The following ABTB3 variants were observed in gnomAD, a reference collection of about 807,000 sequenced individuals.
The protein encoded by ABTB3 is ankyrin repeat- and BTB/POZ domain-containing protein 3.
chr12:107,657,219 A>G, the ABTB3 span, among the ~76,000 whole-genome samples: 2 of 152,236 alleles, frequency 1.3e-5, no homozygotes, highest in Non-Finnish European at 1.5e-5. Context: ...TAAATGGCAC[A>G]GCAGAGCACG....
At chr12:107,536,539 A>G in the ABTB3 span, among the ~76,000 whole-genome samples, 5 of 150,334 alleles carry the variant, frequency 3.3e-5, no homozygotes, top group Non-Finnish European at 7.4e-5. Context: ...AACCTCAAAG[A>G]GAAAAAAAAA....
chr12:107,319,536 T>C, the ABTB3 span: 1 of 1,557,042 alleles, frequency 6.4e-7, no homozygotes, highest in South Asian at 1.2e-5. Context: ...GGCGACCGCC[T>C]GGGCCGCGGC....
At chr12:107,320,921 C>T in the ABTB3 span, among the ~76,000 whole-genome samples, 2 of 152,112 alleles carry the variant, frequency 1.3e-5, no homozygotes, top group East Asian at 1.9e-4. Flanking sequence ...GTTCTATCAT[C>T]GTCTCTTCAT....
the ABTB3 span, among the ~76,000 whole-genome samples, chr12:107,330,194 T>A: frequency 6.6e-6 from 1 of 152,124 alleles, no homozygotes; most frequent in Admixed American, 6.5e-5. Context: ...GGGAGCCTGG[T>A]AGAGGTTAGA....
chr12:107,553,484 A>G, the ABTB3 span, among the ~76,000 whole-genome samples: 2 of 152,330 alleles, frequency 1.3e-5, no homozygotes, highest in East Asian at 1.9e-4. Context: ...GAAGGGAGCT[A>G]CATGCTAAGG....
At chr12:107,657,359 C>T in the ABTB3 span, 1 of 695,900 alleles carries the variant, frequency 1.4e-6, no homozygotes. Flanking sequence ...GCCGCAAAGT[C>T]ATACCCCATG....
the ABTB3 span, among the ~76,000 whole-genome samples, chr12:107,351,019 T>C: frequency 6.6e-6 from 1 of 151,944 alleles, no homozygotes; most frequent in Non-Finnish European, 1.5e-5. Flanking sequence ...AGGTCTTTGC[T>C]AGTAAGATTG....
At chr12:107,642,983 C>A in the ABTB3 span, among the ~76,000 whole-genome samples, 1 of 152,320 alleles carries the variant, frequency 6.6e-6, no homozygotes, top group African/African-American at 2.4e-5. Context: ...TCACTCAACT[C>A]CCCAGCCGGC....
chr12:107,541,270 C>T, the ABTB3 span, among the ~76,000 whole-genome samples: 1 of 152,182 alleles, frequency 6.6e-6, no homozygotes, highest in African/African-American at 2.4e-5. Context: ...GTAAATGTGT[C>T]ACGTTGAAAG....
chr12:107,649,103 G>C, the ABTB3 span: 1 of 990,110 alleles, frequency 1.0e-6, no homozygotes, highest in Non-Finnish European at 1.6e-6. Context: ...TGGAATGGAT[G>C]TCCTAGAGGT....
At chr12:107,628,882 C>A in the ABTB3 span, among the ~76,000 whole-genome samples, 2 of 152,168 alleles carry the variant, frequency 1.3e-5, no homozygotes, top group Non-Finnish European at 2.9e-5. Flanking sequence ...GAGTGAAGGG[C>A]CAGAACTAGG....
chr12:107,446,032 A>C, the ABTB3 span, among the ~76,000 whole-genome samples: 10 of 151,814 alleles, frequency 6.6e-5, no homozygotes, highest in Non-Finnish European at 2.9e-5. Flanking sequence ...ACCTAATCAC[A>C]TCTGCAACCC....
At chr12:107,643,167 G>A in the ABTB3 span, among the ~76,000 whole-genome samples, 3 of 151,976 alleles carry the variant, frequency 2.0e-5, no homozygotes, top group Non-Finnish European at 4.4e-5. Context: ...AGGCCAATGT[G>A]GGCTGAGGTG....
chr12:107,318,584 C>A, the ABTB3 span: 4 of 186,862 alleles, frequency 2.1e-5, no homozygotes, highest in African/African-American at 9.4e-5. Context: ...AACACCGTGG[C>A]CGGCGCCCGG....
At chr12:107,620,707 G>C in the ABTB3 span, among the ~76,000 whole-genome samples, 2 of 152,182 alleles carry the variant, frequency 1.3e-5, no homozygotes, top group African/African-American at 2.4e-5. Context: ...CCGGTCGAGA[G>C]GGTCAAATGA....
the ABTB3 span, among the ~76,000 whole-genome samples, chr12:107,467,560 C>G: frequency 6.6e-6 from 1 of 152,142 alleles, no homozygotes; most frequent in South Asian, 2.1e-4. Flanking sequence ...TTAGGAAACA[C>G]CTGGATTCTG....
the ABTB3 span, among the ~76,000 whole-genome samples, chr12:107,328,006 C>A: frequency 6.6e-6 from 1 of 152,132 alleles, no homozygotes; most frequent in Non-Finnish European, 1.5e-5. Flanking sequence ...GTGGGTGTGT[C>A]AATTCCTTCC....
At chr12:107,617,684 T>C in the ABTB3 span, 1 of 500,530 alleles carries the variant, frequency 2.0e-6, no homozygotes, top group Admixed American at 3.7e-5. Context: ...CAGAGAGACA[T>C]CACTCTTGGT....
the ABTB3 span, among the ~76,000 whole-genome samples, chr12:107,491,984 A>C: frequency 8.5e-6 from 1 of 117,226 alleles, no homozygotes; most frequent in African/African-American, 4.0e-5. Flanking sequence ...AGGAGAGGAA[A>C]CCTCTAGTCC....
Sources: allele counts gnomAD v4.1 joint callset (sites outside exome capture counted in the v4.1 genomes callset), GRCh38; gene constraint gnomAD v4.1.1; transcripts MANE v1.5; gene names NCBI Gene and HGNC (gene_info 2026-07-23, HGNC 2026-07-21).